ZDHHC7: variants seen among roughly 807,000 people sequenced by gnomAD.
The protein encoded by ZDHHC7 is palmitoyltransferase ZDHHC7.
In ZDHHC7, 12 loss-of-function variants were observed where a neutral mutation model predicts 34.1. The ratio of observed to expected loss-of-function variants is 0.35; its 90% CI spans 0.23 to 0.57. ZDHHC7 has a LOEUF of 0.57. ZDHHC7 is among the 20% of genes least tolerant of loss of function. The pLI, the probability that ZDHHC7 is intolerant of heterozygous loss-of-function variation, is 0.84. For synonymous variants in ZDHHC7, 185 were observed against 155.4 expected (o/e 1.19, Z -1.42); for missense variants, 388 against 402.7 (o/e 0.96, Z 0.31).
chr16:85,020,074 C>T, the ZDHHC7 span, among the ~76,000 whole-genome samples: 1 of 152,290 alleles, frequency 6.6e-6, no homozygotes, highest in Non-Finnish European at 1.5e-5. Flanking sequence ...AAAGCTCTGC[C>T]GTTTCGGCTG....
chr16:85,003,702 C>T (rs774902446), intron 1 of ZDHHC7, among the ~76,000 whole-genome samples: 5 of 152,144 alleles, frequency 3.3e-5, no homozygotes, highest in Non-Finnish European at 5.9e-5. Context: ...ATTGCCTGAC[C>T]TTTCTAGAAG....
chr16:85,004,078 G>A (rs775027332), intron 1 of ZDHHC7, among the ~76,000 whole-genome samples: 2 of 152,028 alleles, frequency 1.3e-5, no homozygotes, highest in Non-Finnish European at 2.9e-5. Flanking sequence ...GCATCCCTAA[G>A]GGCGTCTATC....
the ZDHHC7 span, among the ~76,000 whole-genome samples, chr16:85,024,295 G>C: frequency 7.1e-6 from 1 of 141,716 alleles, no homozygotes; most frequent in African/African-American, 2.6e-5. Flanking sequence ...GCAATGGCAC[G>C]ATCTCGGCTC....
At chr16:85,013,240 T>C (rs1458998337), upstream of ZDHHC7, among the ~76,000 whole-genome samples, 1 of 152,102 alleles carries the variant, frequency 6.6e-6, no homozygotes, top group Non-Finnish European at 1.5e-5. Flanking sequence ...TCTTTTATTA[T>C]TATTATTATT....
chr16:85,013,166 A>G (rs146351435), upstream of ZDHHC7, among the ~76,000 whole-genome samples: 426 of 152,182 alleles, frequency 2.8e-3, 1 homozygote, highest in African/African-American at 9.7e-3. Flanking sequence ...AAACCTTTCC[A>G]TAGTTTGCCA....
chr16:84,985,897 A>C (rs7202008), intron 3 of ZDHHC7, among the ~76,000 whole-genome samples: 1,682 of 147,288 alleles, frequency 0.011, 33 homozygotes, highest in African/African-American at 0.04. Flanking sequence ...AACCGTTTCA[A>C]TGAGCTGAGA....
chr16:85,024,791 C>A, the ZDHHC7 span, among the ~76,000 whole-genome samples: 1 of 152,170 alleles, frequency 6.6e-6, no homozygotes, highest in African/African-American at 2.4e-5. Context: ...CAGATCTGAT[C>A]AATCCAGTTA....
intron 1 of ZDHHC7, among the ~76,000 whole-genome samples, chr16:85,010,744 C>G (rs1762839988): frequency 6.6e-6 from 1 of 152,204 alleles, no homozygotes; most frequent in African/African-American, 2.4e-5. Context: ...CCTTACTGCC[C>G]TGAAAGCTTT....
chr16:84,994,909 C>A (rs577957899), intron 2 of ZDHHC7, among the ~76,000 whole-genome samples: 2 of 152,212 alleles, frequency 1.3e-5, no homozygotes, highest in African/African-American at 4.8e-5. Flanking sequence ...TGCACTCACT[C>A]GTGTCTCTGA....
chr16:84,992,656 T>G (rs1228571079), intron 2 of ZDHHC7, among the ~76,000 whole-genome samples: 1 of 152,132 alleles, frequency 6.6e-6, no homozygotes, highest in Non-Finnish European at 1.5e-5. Context: ...GACAAATATT[T>G]TAACGAACTG....
intron 2 of ZDHHC7, among the ~76,000 whole-genome samples, chr16:84,993,306 G>A (rs1201219473): frequency 1.3e-5 from 2 of 152,064 alleles, no homozygotes; most frequent in East Asian, 3.9e-4. Context: ...GGATGACAGA[G>A]AGATCCTGTC....
At chr16:84,990,270 A>C in intron 3 of ZDHHC7, 34 bp downstream of exon 3, 2 of 1,602,678 alleles carry the variant, frequency 1.2e-6, no homozygotes, top group South Asian at 2.2e-5. Flanking sequence ...GACCAGACAC[A>C]AGAGAGCCAC....
Position 84,977,236 on chromosome 16 carries a change from G to C in ZDHHC7, c.620-11C>G. 1 of 1,613,998 alleles carries C rather than the reference G, an allele frequency of 6.2e-7. No individual in the cohort carries two copies. The highest frequency in any genetic ancestry group is 8.5e-7 in the Non-Finnish European group (1 of 1,179,898). ...AAAAATCACTGCATTCTGCGGACAA[G>C]AGGAAGTTGGTTATAACTGGTCCTG... is the stretch of plus-strand genomic sequence containing the variant. On this transcript the variant is annotated splice_polypyrimidine_tract_variant and intron_variant, in intron 6 of 7. Coordinates refer to ENST00000313732, the MANE Select transcript of ZDHHC7 (RefSeq NM_017740.3).
chr16:85,013,140 G>C (rs995859175), upstream of ZDHHC7, among the ~76,000 whole-genome samples: 3 of 126,408 alleles, frequency 2.4e-5, no homozygotes, highest in African/African-American at 7.9e-5. Context: ...ACTCTATTAA[G>C]TTTCTTCCCA....
the ZDHHC7 span, among the ~76,000 whole-genome samples, chr16:85,019,020 C>G: frequency 5.9e-5 from 9 of 152,290 alleles, no homozygotes; most frequent in Non-Finnish European, 8.8e-5. Context: ...TGGAGCAGGT[C>G]TGGAATTGGA....
chr16:85,026,213 C>G, the ZDHHC7 span, among the ~76,000 whole-genome samples: 1 of 152,208 alleles, frequency 6.6e-6, no homozygotes, highest in Non-Finnish European at 1.5e-5. Flanking sequence ...GGTTCACTTG[C>G]TGACCCAGGG....
At chr16:84,988,975 G>T (rs1411602680) in intron 3 of ZDHHC7, 1 of 1,196,994 alleles carries the variant, frequency 8.4e-7, no homozygotes, top group Non-Finnish European at 1.2e-6. Flanking sequence ...AACAAACAAG[G>T]GGTTTCTGCT....
intron 5 of ZDHHC7, among the ~76,000 whole-genome samples, chr16:84,978,862 CAAAAAAA>C (rs200114312): frequency 9.3e-6 from 1 of 107,464 alleles, no homozygotes; most frequent in South Asian, 2.7e-4. Context: ...AACTCCATCT[CAAAAAAA>C]AAAAAAAGAA....
rs2072783186 is a variant in ZDHHC7 at position 85,010,952 on chromosome 16, G to A, written c.-104+334C>T. Reference sequence around the variant, plus strand: ...AAAAACTCTTTACAGCTTACACAGGGTTTATAGCTGCTCTGTAACCACCAC... The same window carrying A: ...AAAAACTCTTTACAGCTTACACAGGATTTATAGCTGCTCTGTAACCACCAC... On this transcript the variant is annotated intron_variant, in intron 1 of 7. Coordinates refer to ENST00000313732, the MANE Select transcript of ZDHHC7 (RefSeq NM_017740.3). Among the ~76,000 whole-genome samples the A allele has an allele frequency of 2.0e-5, 3 of 152,354 alleles. No individual in the cohort carries two copies. The South Asian group carries it at 6.2e-4, about 32-fold the overall frequency.
Sources: allele counts gnomAD v4.1 joint callset (sites outside exome capture counted in the v4.1 genomes callset), GRCh38; gene constraint gnomAD v4.1.1; transcripts MANE v1.5; gene names NCBI Gene and HGNC (gene_info 2026-07-23, HGNC 2026-07-21).